CMSS1: variants seen among roughly 807,000 people sequenced by gnomAD.
CMSS1 encodes protein CMSS1.
In CMSS1, 33 loss-of-function variants were observed where a neutral mutation model predicts 43.5. The ratio of observed to expected loss-of-function variants is 0.76; its 90% CI spans 0.57 to 1.01. CMSS1 has a LOEUF of 1.01. Among genes scored for constraint, CMSS1 ranks in the 50% least tolerant of loss-of-function variants. The pLI is 0.00. For synonymous variants in CMSS1, 115 were observed against 117.2 expected, an observed-to-expected ratio of 0.98 and a Z score of 0.12; for missense variants, 313 against 326.4, an observed-to-expected ratio of 0.96 and a Z score of 0.32.
intron 1 of CMSS1, among the ~76,000 whole-genome samples, chr3:100,102,128 A>G (rs1407504201): frequency 2.0e-5 from 3 of 152,208 alleles, no homozygotes; most frequent in African/African-American, 7.2e-5. Flanking sequence ...TCCTTTGGGT[A>G]TATACCCAGT....
chr3:100,052,231 T>C (rs916941373), intron 1 of CMSS1, among the ~76,000 whole-genome samples: 1 of 152,256 alleles, frequency 6.6e-6, no homozygotes, highest in Admixed American at 6.5e-5. Flanking sequence ...ATGTGGGCTA[T>C]ACTAATACAC....
intron 1 of CMSS1, among the ~76,000 whole-genome samples, chr3:100,056,017 G>T (rs1381408994): frequency 5.9e-5 from 9 of 152,152 alleles, no homozygotes; most frequent in Admixed American, 5.9e-4. Flanking sequence ...AGTTGATCTG[G>T]TTGGGGAAAT....
At chr3:100,091,127 T>C (rs949868726) in intron 1 of CMSS1, among the ~76,000 whole-genome samples, 1 of 149,922 alleles carries the variant, frequency 6.7e-6, no homozygotes, top group East Asian at 1.9e-4. Flanking sequence ...CTACTAAAAA[T>C]ACAAAAACTT....
At chr3:100,004,351 TGTATTGTGACAG>T (rs1436607707) in intron 1 of CMSS1, among the ~76,000 whole-genome samples, 1 of 152,180 alleles carries the variant, frequency 6.6e-6, no homozygotes, top group Non-Finnish European at 1.5e-5. Flanking sequence ...CTATTCTCTG[TGTATTGTGACAG>T]GTTGGAAGGA....
intron 1 of CMSS1, among the ~76,000 whole-genome samples, chr3:99,862,031 C>T (rs1160219116): frequency 1.3e-5 from 2 of 152,024 alleles, no homozygotes; most frequent in African/African-American, 2.4e-5. Context: ...AATACATGTC[C>T]GTTCTCATTA....
At chr3:99,913,237 C>T (rs779506383) in intron 1 of CMSS1, among the ~76,000 whole-genome samples, 22 of 152,204 alleles carry the variant, frequency 1.4e-4, no homozygotes, top group Non-Finnish European at 3.2e-4. Flanking sequence ...ACAGCCCCAG[C>T]GGACTAAGGC....
intron 1 of CMSS1, among the ~76,000 whole-genome samples, chr3:100,092,792 T>C (rs2066133491): frequency 6.6e-6 from 1 of 151,522 alleles, no homozygotes; most frequent in Non-Finnish European, 1.5e-5. Flanking sequence ...CCTTTAGAAT[T>C]AAGTGACTAA....
intron 1 of CMSS1, among the ~76,000 whole-genome samples, chr3:99,873,126 T>C (rs555288514): frequency 1.4e-4 from 22 of 152,276 alleles, no homozygotes; most frequent in Non-Finnish European, 2.9e-4. Flanking sequence ...GAAAATGTTG[T>C]GGTGATGACA....
chr3:99,946,497 A>G (rs887776573), intron 1 of CMSS1, among the ~76,000 whole-genome samples: 5 of 152,210 alleles, frequency 3.3e-5, no homozygotes, highest in African/African-American at 1.2e-4. Flanking sequence ...AAATGATTTC[A>G]TGTCTGTATC....
At chr3:99,970,008 T>C (rs1364029112) in intron 1 of CMSS1, among the ~76,000 whole-genome samples, 1 of 152,182 alleles carries the variant, frequency 6.6e-6, no homozygotes, top group Non-Finnish European at 1.5e-5. Flanking sequence ...TTTAGAAGCA[T>C]TATAAAAAGG....
intron 1 of CMSS1, among the ~76,000 whole-genome samples, chr3:100,009,659 G>C (rs9832186): frequency 0.18 from 28,118 of 152,164 alleles, 2,936 homozygotes; most frequent in South Asian, 0.25. Context: ...AAGTGTTAAG[G>C]GGAAAGAAAG....
At chr3:100,142,677 T>C (rs2066814815) in intron 1 of CMSS1, among the ~76,000 whole-genome samples, 1 of 152,230 alleles carries the variant, frequency 6.6e-6, no homozygotes, top group African/African-American at 2.4e-5. Context: ...TTCATTGATT[T>C]TTAAACATTT....
At chr3:99,882,779 T>C (rs1355082474) in intron 1 of CMSS1, among the ~76,000 whole-genome samples, 3 of 152,236 alleles carry the variant, frequency 2.0e-5, no homozygotes, top group Non-Finnish European at 4.4e-5. Flanking sequence ...TTACCTAGCT[T>C]ATACTAACTG....
chr3:99,888,746 G>C (rs147439877), intron 1 of CMSS1, among the ~76,000 whole-genome samples: 1 of 152,178 alleles, frequency 6.6e-6, no homozygotes, highest in East Asian at 1.9e-4. Flanking sequence ...CTCTCTTCCA[G>C]CAAAAGAAAT....
At chr3:100,120,341 G>C (rs1325793267) in intron 1 of CMSS1, among the ~76,000 whole-genome samples, 1 of 152,156 alleles carries the variant, frequency 6.6e-6, no homozygotes, top group Non-Finnish European at 1.5e-5. Context: ...ATAGGCACTG[G>C]TTCTCTGAAA....
chr3:100,165,243 A>G (rs2067056524), intron 4 of CMSS1, among the ~76,000 whole-genome samples: 1 of 152,170 alleles, frequency 6.6e-6, no homozygotes, highest in Admixed American at 6.5e-5. Flanking sequence ...ACAGCTTTGA[A>G]TTACTCACTT....
At chr3:99,959,881 G>A (rs1367981519) in intron 1 of CMSS1, among the ~76,000 whole-genome samples, 1 of 152,178 alleles carries the variant, frequency 6.6e-6, no homozygotes, top group Non-Finnish European at 1.5e-5. Flanking sequence ...CCCACTCAGT[G>A]TAGTAGGACT....
At chr3:99,860,260 T>C (rs941157706) in intron 1 of CMSS1, among the ~76,000 whole-genome samples, 15 of 152,202 alleles carry the variant, frequency 9.9e-5, no homozygotes, top group African/African-American at 3.1e-4. Flanking sequence ...AAAAATGGTA[T>C]ACTGTTAGTC....
chr3:99,817,865 G>A lies in CMSS1; in HGVS notation c.-115G>A. 4 of 1,080,106 alleles carry A rather than the reference G, an allele frequency of 3.7e-6. No individual in the cohort carries two copies. Among genetic ancestry groups the A allele is most frequent in the Non-Finnish European group, 5.5e-6 (4 of 729,446 alleles). 66.9% of individuals were successfully genotyped at this position (1,080,106 alleles called of 1,614,324 possible). Reference sequence around the variant, plus strand: ...ATCGCCGCGGGGCGGAGGCGACAGTGTCTAGCGGGAGCTCCGCGTGTAGCT... The same window carrying A: ...ATCGCCGCGGGGCGGAGGCGACAGTATCTAGCGGGAGCTCCGCGTGTAGCT... On this transcript the variant is annotated 5_prime_UTR_variant, in exon 1 of 10. Coordinates refer to ENST00000421999, the MANE Select transcript of CMSS1 (RefSeq NM_032359.4).
Sources: gnomAD v4.1 joint callset for allele counts (sites outside exome capture counted in the v4.1 genomes callset) on GRCh38, gnomAD v4.1.1 for gene constraint, MANE v1.5 for transcripts, NCBI Gene and HGNC (gene_info 2026-07-23, HGNC 2026-07-21) for gene names.